Variants in ATRNL1 observed in about 807,000 individuals in gnomAD.
ATRNL1 encodes attractin like 1.
ATRNL1 carries 95 observed loss-of-function variants against 182.7 expected under a neutral mutation model. The observed-to-expected ratio is 0.52, with a 90% CI of 0.44 to 0.62. ATRNL1 has a LOEUF of 0.62. Among genes scored for constraint, ATRNL1 ranks in the 20% least tolerant of loss-of-function variants. The pLI is 0.00. For synonymous variants in ATRNL1, 576 were observed against 568.3 expected (o/e 1.01, Z -0.19); for missense variants, 1,471 against 1,679.5 (o/e 0.88, Z 2.17).
At chr10:115,549,717 A>G (rs539417987) in intron 26 of ATRNL1, among the ~76,000 whole-genome samples, 181 bp downstream of exon 26, 1 of 152,122 alleles carries the variant, frequency 6.6e-6, no homozygotes, top group East Asian at 1.9e-4. Context: ...CTGTAATTTT[A>G]AGTTAGTATT....
chr10:115,360,062 A>G (rs1856668463), intron 19 of ATRNL1, among the ~76,000 whole-genome samples: 1 of 151,708 alleles, frequency 6.6e-6, no homozygotes, highest in East Asian at 1.9e-4. Context: ...GATATTTTAT[A>G]TATTTTAAAA....
chr10:115,286,383 A>G lies in ATRNL1; in HGVS notation c.2401A>G (p.Lys801Glu). 6.3e-7 allele frequency: 1 copy of G among 1,583,004 alleles called. No individual in the cohort carries two copies. Among genetic ancestry groups the G allele is most frequent in the African/African-American group, 1.3e-5 (1 of 74,222 alleles). ...AGAATTTGTTCTGGATGAAATACAGAAGTATACACAACAGGTAACATTTCT... is the reference window on the plus strand; with the variant it reads ...AGAATTTGTTCTGGATGAAATACAGGAGTATACACAACAGGTAACATTTCT... ...EVEFVLDEIQ[K>E]YTQQKVSPWV... The change falls in exon 15 of 29, where the codon AAG becomes GAG. Residue 801 changes from lysine (K) to glutamate (E), a missense_variant. Lys to Glu is a moderately conservative substitution (Grantham distance 56). This residue lies in a region of ATRNL1 where 1,031 missense variants were observed against 1,156.0 expected (regional missense o/e 0.89). Transcript: ENST00000355044.
chr10:115,401,130 A>G (rs1049563323), intron 20 of ATRNL1, among the ~76,000 whole-genome samples: 35 of 152,168 alleles, frequency 2.3e-4, no homozygotes, highest in Admixed American at 1.7e-3. Flanking sequence ...TTCATAATTA[A>G]TTATTCTAAT....
chr10:115,182,257 A>G (rs1554887955), intron 8 of ATRNL1, among the ~76,000 whole-genome samples: 1 of 151,602 alleles, frequency 6.6e-6, no homozygotes, highest in Non-Finnish European at 1.5e-5. Context: ...AATGCTGATT[A>G]CTATTGTTCT....
At chr10:115,844,787 G>A (rs142004455) in intron 27 of ATRNL1, among the ~76,000 whole-genome samples, 216 of 152,102 alleles carry the variant, frequency 1.4e-3, no homozygotes, top group Middle Eastern at 6.8e-3. Flanking sequence ...GAGTGCTGTG[G>A]GCAAACAAAC....
At chr10:115,910,353 T>C (rs538917751) in intron 28 of ATRNL1, among the ~76,000 whole-genome samples, 1 of 152,244 alleles carries the variant, frequency 6.6e-6, no homozygotes, top group East Asian at 1.9e-4. Context: ...TGGATGAATT[T>C]TTAATAAGTG....
At chr10:115,443,819 CTT>C (rs1318277461) in intron 21 of ATRNL1, among the ~76,000 whole-genome samples, 1 of 152,060 alleles carries the variant, frequency 6.6e-6, no homozygotes. Context: ...TATCTCTTCT[CTT>C]TTTAAGTCTT....
At chr10:115,502,635 G>A (rs533776284) in intron 24 of ATRNL1, among the ~76,000 whole-genome samples, 3 of 151,892 alleles carry the variant, frequency 2.0e-5, no homozygotes, top group African/African-American at 2.4e-5. Flanking sequence ...TTAAGGAGTC[G>A]GTTAATGCTT....
Position 115,266,826 on chromosome 10 carries a change from G to A in ATRNL1, c.1802G>A (p.Ser601Asn). 1 of 1,608,978 alleles carries A rather than the reference G, an allele frequency of 6.2e-7. No homozygotes were observed. The highest frequency in any genetic ancestry group is 8.5e-7 in the Non-Finnish European group (1 of 1,176,640). The change falls in exon 12 of 29, where the codon AGT (serine) becomes AAT (asparagine). Residue 601 changes from serine to asparagine, a missense_variant. Coordinates refer to ENST00000355044, the MANE Select transcript of ATRNL1 (RefSeq NM_207303.4). ...GSMYIFGGFS[S>N]VLLNDILVYK... ...ATGTATATATTTGGGGGATTTTCTA[G>A]TGTACTCCTTAATGATATCCTTGTA...
intron 1 of ATRNL1, among the ~76,000 whole-genome samples, chr10:115,103,811 G>T (rs192250626): frequency 8.5e-5 from 13 of 152,246 alleles, no homozygotes; most frequent in Admixed American, 8.5e-4. Context: ...TTCTGTGCCT[G>T]GCTTATTTCA....
At chr10:115,819,285 T>A (rs1341767846) in intron 27 of ATRNL1, among the ~76,000 whole-genome samples, 3 of 152,100 alleles carry the variant, frequency 2.0e-5, no homozygotes, top group African/African-American at 7.2e-5. Flanking sequence ...TCATTAACTT[T>A]AATATGTACT....
At position 115,600,657 on chromosome 10, in the gene ATRNL1, A is replaced by G. The variant is rs572854884; in HGVS notation, c.3795+51121A>G. Among the ~76,000 whole-genome samples, 12 of 152,222 alleles carry G rather than the reference A, an allele frequency of 7.9e-5. No homozygotes were observed. The East Asian group carries it at 2.1e-3, about 27-fold the overall frequency. ...ATCCTTTGTCAGTTTTATGCAATGCAAGTATTTTCCCCAGGTCTATAAGCT... is the reference window on the plus strand; with the variant it reads ...ATCCTTTGTCAGTTTTATGCAATGCGAGTATTTTCCCCAGGTCTATAAGCT... On this transcript the variant is annotated intron_variant, in intron 26 of 28. Transcript: ENST00000355044.
intron 26 of ATRNL1, among the ~76,000 whole-genome samples, chr10:115,656,320 A>G (rs561704078): frequency 2.6e-5 from 4 of 152,316 alleles, no homozygotes; most frequent in African/African-American, 9.6e-5. Flanking sequence ...TACTTCCTGG[A>G]TGAAGCCAGT....
At chr10:115,485,878 C>A (rs892827301) in intron 24 of ATRNL1, among the ~76,000 whole-genome samples, 9 of 151,846 alleles carry the variant, frequency 5.9e-5, no homozygotes, top group African/African-American at 2.2e-4. Context: ...TTTCTCGTAA[C>A]GCTATCCCTA....
chr10:115,791,992 AC>A (rs1222536588), intron 27 of ATRNL1, among the ~76,000 whole-genome samples: 3 of 152,180 alleles, frequency 2.0e-5, no homozygotes, highest in Non-Finnish European at 4.4e-5. Context: ...GTTCTCTGGT[AC>A]AATCCTCAGA....
At chr10:115,712,256 G>GC (rs1477386772) in intron 26 of ATRNL1, among the ~76,000 whole-genome samples, 3 of 152,054 alleles carry the variant, frequency 2.0e-5, no homozygotes, top group Non-Finnish European at 2.9e-5. Flanking sequence ...CAGAGCACTG[G>GC]CCACACAGTG....
chr10:115,351,074 A>G (rs1163661881), intron 19 of ATRNL1, among the ~76,000 whole-genome samples: 5 of 152,120 alleles, frequency 3.3e-5, no homozygotes, highest in African/African-American at 9.7e-5. Context: ...CAGAAATGCT[A>G]CTGAATTTAT....
intron 19 of ATRNL1, among the ~76,000 whole-genome samples, chr10:115,344,400 C>T (rs1375932383): frequency 2.0e-5 from 3 of 152,228 alleles, no homozygotes; most frequent in African/African-American, 7.2e-5. Flanking sequence ...AGCCTCACCT[C>T]ATAGCCACTG....
chr10:115,226,474 A>G (rs903520460), intron 9 of ATRNL1, among the ~76,000 whole-genome samples: 1 of 152,052 alleles, frequency 6.6e-6, no homozygotes, highest in African/African-American at 2.4e-5. Flanking sequence ...AGAAGAATCA[A>G]TATTGTAAAA....
Sources: gnomAD v4.1 joint callset for allele counts (sites outside exome capture counted in the v4.1 genomes callset) on GRCh38, gnomAD v4.1.1 for gene constraint, gnomAD v4.1.1 regional missense constraint, MANE v1.5 for transcripts, NCBI Gene and HGNC (gene_info 2026-07-23, HGNC 2026-07-21) for gene names.